TAFA4: variants seen among roughly 807,000 people sequenced by gnomAD.
TAFA4 encodes the protein chemokine-like protein TAFA-4.
Under a neutral mutation model 21.1 loss-of-function variants are expected in TAFA4, and 20 were observed. The observed-to-expected ratio is 0.95, with a 90% CI of 0.67 to 1.38. TAFA4 has a LOEUF of 1.38. TAFA4 is among the 40% of genes most tolerant of loss of function. TAFA4 has a pLI of 0.00. For synonymous variants in TAFA4, 71 were observed against 67.4 expected, an observed-to-expected ratio of 1.05 and a Z score of -0.26; for missense variants, 211 against 180.9, an observed-to-expected ratio of 1.17 and a Z score of -0.95.
chr3:68,761,691 A>G (rs1403814094), intron 3 of TAFA4, among the ~76,000 whole-genome samples: 1 of 152,204 alleles, frequency 6.6e-6, no homozygotes, highest in Non-Finnish European at 1.5e-5. Flanking sequence ...TTAATGTGAC[A>G]TATATTTTAA....
chr3:68,912,713 T>A (rs1287551195), intron 1 of TAFA4, among the ~76,000 whole-genome samples: 1 of 152,226 alleles, frequency 6.6e-6, no homozygotes, highest in Non-Finnish European at 1.5e-5. Flanking sequence ...GCTGTTCTTT[T>A]AAGCCCCAAG....
Position 68,819,257 on chromosome 3 carries a change from G to A in TAFA4, c.130+61473C>T, listed in dbSNP as rs1704058995. Among the ~76,000 whole-genome samples, 2 of 135,436 alleles carry A rather than the reference G, an allele frequency of 1.5e-5. 1 individual carries two copies. Among genetic ancestry groups the A allele is most frequent in the South Asian group, 5.1e-4 (2 of 3,960 alleles). The allele number at this position is 135,436 out of a possible 152,430, so 88.9% of individuals were successfully genotyped here. On this transcript the variant is annotated intron_variant, in intron 3 of 5. Transcript: ENST00000295569. ...TGCACACCTGCCTGGGTGACAGAGT[G>A]AGACCCTGTCTTTAATTAAAAAAAA...
chr3:68,867,016 A>G (rs569761570), intron 3 of TAFA4, among the ~76,000 whole-genome samples: 1 of 152,146 alleles, frequency 6.6e-6, no homozygotes, highest in African/African-American at 2.4e-5. Context: ...CCTTATTCTG[A>G]AAGATAATAA....
chr3:68,909,626 G>A (rs900525995), intron 1 of TAFA4, among the ~76,000 whole-genome samples: 4 of 152,200 alleles, frequency 2.6e-5, no homozygotes, highest in African/African-American at 7.2e-5. Flanking sequence ...CCACCAAAAG[G>A]TAGCTGGACT....
At chr3:68,737,210 T>G (rs1039176665) in intron 5 of TAFA4, among the ~76,000 whole-genome samples, 1 of 152,096 alleles carries the variant, frequency 6.6e-6, no homozygotes, top group Non-Finnish European at 1.5e-5. Flanking sequence ...ATACCCTAAT[T>G]CGTGGGCTAC....
intron 3 of TAFA4, among the ~76,000 whole-genome samples, chr3:68,863,059 C>T (rs1290776876): frequency 6.7e-6 from 1 of 149,700 alleles, no homozygotes; most frequent in Non-Finnish European, 1.5e-5. Context: ...CATAGGAAAA[C>T]CCCATCTCTA....
chr3:68,802,660 G>A (rs1703601777), intron 3 of TAFA4, among the ~76,000 whole-genome samples: 1 of 152,092 alleles, frequency 6.6e-6, no homozygotes, highest in African/African-American at 2.4e-5. Flanking sequence ...ACTCTGCTTT[G>A]AAGAGCAGCC....
intron 3 of TAFA4, among the ~76,000 whole-genome samples, chr3:68,811,860 GAC>G (rs928232035): frequency 1.3e-5 from 2 of 152,048 alleles, no homozygotes; most frequent in Non-Finnish European, 2.9e-5. Context: ...GCAACTCCAA[GAC>G]ACACAATTGT....
chr3:68,846,906 G>A (rs1704815490), intron 3 of TAFA4, among the ~76,000 whole-genome samples: 1 of 140,588 alleles, frequency 7.1e-6, no homozygotes, highest in African/African-American at 2.8e-5. Context: ...CATCCCAGAG[G>A]GGCACTCACC....
chr3:68,745,529 GA>G (rs1397962484), intron 4 of TAFA4, among the ~76,000 whole-genome samples: 1 of 152,034 alleles, frequency 6.6e-6, no homozygotes, highest in Non-Finnish European at 1.5e-5. Flanking sequence ...CAGAAAGAAA[GA>G]AAAAAATAAA....
chr3:68,812,304 G>T (rs1703859862), intron 3 of TAFA4, among the ~76,000 whole-genome samples: 1 of 152,108 alleles, frequency 6.6e-6, no homozygotes, highest in Non-Finnish European at 1.5e-5. Flanking sequence ...AAAATGACAG[G>T]ATCAAATTCA....
chr3:68,888,732 G>A (rs2089699233), intron 1 of TAFA4, among the ~76,000 whole-genome samples: 1 of 152,040 alleles, frequency 6.6e-6, no homozygotes, highest in Non-Finnish European at 1.5e-5. Context: ...GGGAAAGAGT[G>A]CTCAAGAGAG....
intron 3 of TAFA4, among the ~76,000 whole-genome samples, chr3:68,779,365 G>T (rs1703110592): frequency 6.6e-6 from 1 of 152,212 alleles, no homozygotes; most frequent in African/African-American, 2.4e-5. Context: ...CATAAGTAAA[G>T]AGGAACCGAA....
chr3:68,801,539 A>G (rs1350245579), intron 3 of TAFA4, among the ~76,000 whole-genome samples: 5 of 152,180 alleles, frequency 3.3e-5, no homozygotes, highest in African/African-American at 1.2e-4. Context: ...CTTACTACAA[A>G]TATCTGTTGA....
At chr3:68,789,163 A>G (rs1335363972) in intron 3 of TAFA4, among the ~76,000 whole-genome samples, 1 of 151,830 alleles carries the variant, frequency 6.6e-6, no homozygotes, top group African/African-American at 2.4e-5. Flanking sequence ...CCTGGGAGGC[A>G]GAGCTTACAG....
chr3:68,758,586 C>G (rs1458100294), intron 3 of TAFA4, among the ~76,000 whole-genome samples: 1 of 152,216 alleles, frequency 6.6e-6, no homozygotes, highest in Non-Finnish European at 1.5e-5. Context: ...ACCTCTTTTC[C>G]TTTATAAATT....
At chr3:68,775,611 G>C (rs144706619) in intron 3 of TAFA4, among the ~76,000 whole-genome samples, 1 of 152,056 alleles carries the variant, frequency 6.6e-6, no homozygotes, top group Non-Finnish European at 1.5e-5. Context: ...GGGTGTTCGG[G>C]GTTTGCTCAA....
intron 1 of TAFA4, among the ~76,000 whole-genome samples, chr3:68,889,185 C>A (rs997362000): frequency 6.6e-6 from 1 of 152,094 alleles, no homozygotes; most frequent in South Asian, 2.1e-4. Flanking sequence ...TCGGAATGAA[C>A]TAAAAAGATG....
At chr3:68,919,342 T>C (rs956181640) in intron 1 of TAFA4, among the ~76,000 whole-genome samples, 8 of 152,212 alleles carry the variant, frequency 5.3e-5, no homozygotes, top group African/African-American at 1.9e-4. Context: ...TAAATCTTAA[T>C]GACATCGTCT....
Sources: allele counts gnomAD v4.1 joint callset (sites outside exome capture counted in the v4.1 genomes callset), GRCh38; gene constraint gnomAD v4.1.1; transcripts MANE v1.5; gene names NCBI Gene and HGNC (gene_info 2026-07-23, HGNC 2026-07-21).